GLB1L2: variants seen among roughly 807,000 people sequenced by gnomAD.
The protein encoded by GLB1L2 is beta-galactosidase-1-like protein 2.
Under a neutral mutation model 84.1 loss-of-function variants are expected in GLB1L2, and 68 were observed. The observed-to-expected ratio is 0.81, with a 90% CI of 0.67 to 0.99. GLB1L2 has a LOEUF of 0.99. Ranked by LOEUF, GLB1L2 falls within the 50% of genes least tolerant of loss-of-function variation. The pLI is 0.00. For synonymous variants in GLB1L2, 290 were observed against 318.0 expected (o/e 0.91, Z 0.94); for missense variants, 762 against 805.6 (o/e 0.95, Z 0.66).
chr11:134,332,580 C>T (rs1016293532), intron 1 of GLB1L2, among the ~76,000 whole-genome samples: 1 of 152,196 alleles, frequency 6.6e-6, no homozygotes, highest in Non-Finnish European at 1.5e-5. Context: ...GCGCCTTATT[C>T]CGCAGAGGCC....
chr11:134,371,251 AT>A, intron 13 of GLB1L2, 103 bp downstream of exon 13: 1 of 1,444,024 alleles, frequency 6.9e-7, no homozygotes, highest in Middle Eastern at 1.9e-4. Context: ...GTGTGTGACA[AT>A]GGCCCTTCTG....
chr11:134,368,512 A>G (rs1213163051), intron 9 of GLB1L2, 132 bp from the exon 10 acceptor site: 4 of 867,250 alleles, frequency 4.6e-6, no homozygotes, highest in Non-Finnish European at 7.4e-6. Flanking sequence ...TATGAGAGCT[A>G]GAAGGACAGA....
intron 5 of GLB1L2, among the ~76,000 whole-genome samples, chr11:134,353,099 T>A (rs1294995100): frequency 1.3e-5 from 2 of 152,230 alleles, no homozygotes; most frequent in Non-Finnish European, 2.9e-5. Context: ...TTGTAAGATT[T>A]CAATTTTTTA....
chr11:134,354,060 C>T (rs1591616991), intron 5 of GLB1L2, among the ~76,000 whole-genome samples: 2 of 152,286 alleles, frequency 1.3e-5, no homozygotes, highest in East Asian at 3.9e-4. Flanking sequence ...TAGAGAATCA[C>T]TTGCTTTTGC....
chr11:134,374,816 C>A, intron 18 of GLB1L2, 98 bp downstream of exon 18: 2 of 1,181,266 alleles, frequency 1.7e-6, no homozygotes, highest in East Asian at 2.3e-5. Flanking sequence ...TCAGCGGGTT[C>A]TTCCTCCCTC....
At position 134,359,113 on chromosome 11, in the gene GLB1L2, T is replaced by C; in HGVS notation, c.705T>C (p.Asp235=). Residue 235 remains aspartate (D), a synonymous_variant, in exon 7 of 19, where the codon GAT becomes GAC. Transcript: ENST00000535456. ...TGCTCCTGACTTCAGACAACAAGGATGGGCTGAGCAAGGGGATTGTCCAGG... is the reference window on the plus strand; with the variant it reads ...TGCTCCTGACTTCAGACAACAAGGACGGGCTGAGCAAGGGGATTGTCCAGG... ...VELLLTSDNK[D]GLSKGIVQGV... The C allele has an allele frequency of 6.2e-7, 1 of 1,604,544 alleles. No homozygotes were observed. Among genetic ancestry groups the C allele is most frequent in the Non-Finnish European group, 8.5e-7 (1 of 1,175,394 alleles).
At chr11:134,348,406 T>C (rs10791355) in intron 5 of GLB1L2, among the ~76,000 whole-genome samples, 142,610 of 152,296 alleles carry the variant, frequency 0.94, 66,891 homozygotes, top group East Asian at 1. Flanking sequence ...TAGATCTTGC[T>C]GGGAAGCTGG....
chr11:134,339,604 T>C lies in GLB1L2; in HGVS notation c.87-3150T>C, dbSNP rs1391584970. Among the ~76,000 whole-genome samples the C allele has an allele frequency of 1.3e-5, 2 of 152,088 alleles. No homozygotes were observed. Among genetic ancestry groups the C allele is most frequent in the Non-Finnish European group, 2.9e-5 (2 of 68,022 alleles). On this transcript the variant is annotated intron_variant, in intron 1 of 18. Coordinates refer to ENST00000535456, the MANE Select transcript of GLB1L2 (RefSeq NM_001370461.1). This position sits in a 1 kb window ranked among gnomAD's most constrained non-coding sequence, Gnocchi z 5.7. The stretch of plus-strand genomic sequence containing the variant: ...GTTGTTTATTTCATTCCTCTTGCTA[T>C]GCACTGAGAAGAACGTTTCATTCTA...
intron 5 of GLB1L2, among the ~76,000 whole-genome samples, chr11:134,352,796 C>T (rs565299054): frequency 4.9e-4 from 74 of 152,044 alleles, no homozygotes; most frequent in Admixed American, 7.2e-4. Flanking sequence ...TACAGGTGCC[C>T]GTGACCACGC....
rs1360828094 is a variant in GLB1L2, at chr11:134,370,077, C to T, written c.1108+192C>T. Among the ~76,000 whole-genome samples the T allele has an allele frequency of 6.6e-6, 1 of 152,138 alleles. No homozygotes were observed. The highest frequency in any genetic ancestry group is 1.5e-5 in the Non-Finnish European group (1 of 68,018). On this transcript the variant is annotated intron_variant, in intron 11 of 18. Transcript: ENST00000535456. This position sits in a 1 kb window ranked among gnomAD's most constrained non-coding sequence, Gnocchi z 4.7. The stretch of plus-strand genomic sequence containing the variant: ...GCTTCACCTGTTACAGGTGTTAACG[C>T]TCCTTATCTCCTGTGGAGGACGGGA...
In GLB1L2 at chr11:134,371,412, CT is replaced by C; in HGVS notation, c.1357-6del. On this transcript the variant is annotated splice_region_variant and splice_polypyrimidine_tract_variant and intron_variant, in intron 13 of 18. Coordinates refer to ENST00000535456, the MANE Select transcript of GLB1L2 (RefSeq NM_001370461.1). ...GGTCATGGATGTTCCTGCCTGTTCC[CT>C]TTGGCAGGTGTTTGTGAACACAGTA... is the stretch of plus-strand genomic sequence containing the variant. 1.9e-6 allele frequency: 3 copies of C among 1,547,662 alleles called. No homozygotes were observed. Among genetic ancestry groups the C allele is most frequent in the Non-Finnish European group, 2.7e-6 (3 of 1,119,322 alleles).
chr11:134,371,418 C>T lies in GLB1L2; in HGVS notation c.1357-3C>T, dbSNP rs1344911630. 3 of 1,561,044 alleles carry T rather than the reference C, an allele frequency of 1.9e-6. No individual in the cohort carries two copies. Among genetic ancestry groups the T allele is most frequent in the African/African-American group, 2.7e-5 (2 of 74,066 alleles). ...GGATGTTCCTGCCTGTTCCCTTTGG[C>T]AGGTGTTTGTGAACACAGTATCCAT... On this transcript the variant is annotated splice_polypyrimidine_tract_variant and splice_region_variant and intron_variant, in intron 13 of 18. Transcript: ENST00000535456.
chr11:134,337,275 T>C (rs1160546419), intron 1 of GLB1L2, among the ~76,000 whole-genome samples: 1 of 152,230 alleles, frequency 6.6e-6, no homozygotes, highest in Non-Finnish European at 1.5e-5. Context: ...AAGATGCATA[T>C]ACTTGCCTTG....
intron 6 of GLB1L2, among the ~76,000 whole-genome samples, chr11:134,358,099 G>A (rs893948): frequency 0.81 from 123,006 of 152,172 alleles, 50,047 homozygotes; most frequent in East Asian, 0.95. Flanking sequence ...GACTGGACAC[G>A]AGCCTTATTC....
At chr11:134,333,992 G>T (rs1203415032) in intron 1 of GLB1L2, among the ~76,000 whole-genome samples, 1 of 152,154 alleles carries the variant, frequency 6.6e-6, no homozygotes, top group Admixed American at 6.5e-5. Flanking sequence ...TCACCCTCAT[G>T]GGTACATTCT....
Position 134,375,274 on chromosome 11 carries a change from T to C in GLB1L2, c.*216T>C. The C allele has an allele frequency of 1.9e-6, 1 of 540,514 alleles. No individual in the cohort carries two copies. Among genetic ancestry groups the C allele is most frequent in the Non-Finnish European group, 3.3e-6 (1 of 303,976 alleles). 33.5% of individuals were successfully genotyped at this position (540,514 alleles called of 1,614,324 possible). A position where few individuals can be genotyped will look rare whatever the true frequency, so the allele number is the denominator to read the frequency against. On this transcript the variant is annotated 3_prime_UTR_variant, in exon 19 of 19. Transcript: ENST00000535456. Reference sequence around the variant, plus strand: ...TGGGCCTGGCTTTGTTGATGATGGCTTTCCTACAGCCCTGCTCTTGTGCCG... The same window carrying C: ...TGGGCCTGGCTTTGTTGATGATGGCCTTCCTACAGCCCTGCTCTTGTGCCG...
chr11:134,338,287 C>T lies in GLB1L2; in HGVS notation c.87-4467C>T, dbSNP rs929126069. ...TCCTGATGAGTGTTTGCAGGATTGACGGGTGATGCAGGGATGCCCGCTGGC... is the reference window on the plus strand; with the variant it reads ...TCCTGATGAGTGTTTGCAGGATTGATGGGTGATGCAGGGATGCCCGCTGGC... On this transcript the variant is annotated intron_variant, in intron 1 of 18. Coordinates refer to ENST00000535456, the MANE Select transcript of GLB1L2 (RefSeq NM_001370461.1). The surrounding 1 kb of genome is among the most constrained non-coding windows in gnomAD (Gnocchi z 6.2). 6.6e-6 allele frequency among the ~76,000 whole-genome samples: 1 copy of T among 152,174 alleles called. No individual in the cohort carries two copies. Among genetic ancestry groups the T allele is most frequent in the Non-Finnish European group, 1.5e-5 (1 of 68,016 alleles).
intron 5 of GLB1L2, among the ~76,000 whole-genome samples, chr11:134,352,628 T>G (rs1346176757): frequency 6.6e-6 from 1 of 151,976 alleles, no homozygotes; most frequent in Non-Finnish European, 1.5e-5. Context: ...ATTTCCATTT[T>G]CATTTTTCTC....
Position 134,374,737 on chromosome 11 carries a change from T to C in GLB1L2, c.1824+19T>C, listed in dbSNP as rs876542. ...CAACCAGGTGGGAGCTTCCAGCCCC[T>C]TCCTGTTCCCCATGACGCCCTGCCC... On this transcript the variant is annotated intron_variant, in intron 18 of 18. Coordinates refer to ENST00000535456, the MANE Select transcript of GLB1L2 (RefSeq NM_001370461.1). The C allele has an allele frequency of 0.13, 202,656 of 1,582,958 alleles. 14,640 individuals carry two copies. The highest frequency in any genetic ancestry group is 0.15 in the Non-Finnish European group (170,001 of 1,152,160).
Sources: allele counts gnomAD v4.1 joint callset (sites outside exome capture counted in the v4.1 genomes callset), GRCh38; gene constraint gnomAD v4.1.1; non-coding constraint Gnocchi (gnomAD v3.1); transcripts MANE v1.5; gene names NCBI Gene and HGNC (gene_info 2026-07-23, HGNC 2026-07-21).